Variants in SSBP2 observed in about 807,000 individuals in gnomAD.
The protein encoded by SSBP2 is single stranded DNA binding protein 2, also known as single-stranded DNA-binding protein 2.
SSBP2 carries 17 observed loss-of-function variants against 61.8 expected under a neutral mutation model. The ratio of observed to expected loss-of-function variants is 0.28; its 90% CI spans 0.19 to 0.41. SSBP2 has a LOEUF of 0.41. Among genes scored for constraint, SSBP2 ranks in the 10% least tolerant of loss-of-function variants. The probability of loss-of-function intolerance (pLI) is 1.00; values close to 1 mark genes in which losing one functional copy is unlikely to be tolerated. For missense variants in SSBP2, 310 were observed against 458.7 expected (o/e 0.68, Z 2.96); for synonymous variants, 139 against 141.3 (o/e 0.98, Z 0.12).
chr5:81,656,050 T>C (rs1256712389), intron 1 of SSBP2, among the ~76,000 whole-genome samples: 3 of 152,150 alleles, frequency 2.0e-5, no homozygotes, highest in Admixed American at 6.6e-5. Context: ...ATTAAAGATA[T>C]ATAATTTTTT....
chr5:81,525,072 T>G (rs1180069611), intron 4 of SSBP2, among the ~76,000 whole-genome samples: 1 of 152,024 alleles, frequency 6.6e-6, no homozygotes, highest in Non-Finnish European at 1.5e-5. Context: ...GGATCTAGTT[T>G]TAATCCTTGT....
At chr5:81,715,837 G>A (rs1269334300) in intron 1 of SSBP2, among the ~76,000 whole-genome samples, 1 of 152,098 alleles carries the variant, frequency 6.6e-6, no homozygotes, top group African/African-American at 2.4e-5. Flanking sequence ...CAAGAGGATT[G>A]CTTGAGCCCA....
At chr5:81,503,178 G>A (rs1231575536) in intron 5 of SSBP2, among the ~76,000 whole-genome samples, 1 of 152,126 alleles carries the variant, frequency 6.6e-6, no homozygotes, top group African/African-American at 2.4e-5. Flanking sequence ...GATGCAGCTG[G>A]GCGTGGTGGC....
At chr5:81,666,081 A>T (rs930686986) in intron 1 of SSBP2, among the ~76,000 whole-genome samples, 11 of 152,180 alleles carry the variant, frequency 7.2e-5, no homozygotes, top group African/African-American at 2.7e-4. Context: ...AAAAATTAGA[A>T]ATCTGTTTTT....
intron 1 of SSBP2, among the ~76,000 whole-genome samples, chr5:81,749,679 G>C (rs999189120): frequency 1.3e-5 from 2 of 152,118 alleles, no homozygotes; most frequent in East Asian, 3.9e-4. Flanking sequence ...AAAAAAAAGG[G>C]GGGGGTTCTT....
At chr5:81,637,810 T>C (rs1010333698) in intron 2 of SSBP2, among the ~76,000 whole-genome samples, 6 of 152,196 alleles carry the variant, frequency 3.9e-5, no homozygotes, top group Non-Finnish European at 7.3e-5. Flanking sequence ...ACACGTATGT[T>C]TATTACGGCG....
chr5:81,749,656 T>G (rs1301763204), intron 1 of SSBP2, among the ~76,000 whole-genome samples: 3 of 139,232 alleles, frequency 2.2e-5, no homozygotes, highest in South Asian at 5.0e-4. Context: ...CACTGATCTG[T>G]TGCACAGTTT....
chr5:81,432,122 G>A (rs1417788752), intron 15 of SSBP2, among the ~76,000 whole-genome samples: 1 of 152,154 alleles, frequency 6.6e-6, no homozygotes, highest in Non-Finnish European at 1.5e-5. Context: ...CTAGAGTGTT[G>A]TTTTGACTCT....
At chr5:81,660,231 C>A (rs1296247473) in intron 1 of SSBP2, among the ~76,000 whole-genome samples, 2 of 152,028 alleles carry the variant, frequency 1.3e-5, no homozygotes, top group African/African-American at 4.8e-5. Flanking sequence ...AGTGAACAGG[C>A]AACCTACAGA....
intron 4 of SSBP2, among the ~76,000 whole-genome samples, chr5:81,563,748 A>T (rs1054002438): frequency 9.2e-5 from 14 of 152,212 alleles, no homozygotes; most frequent in Admixed American, 3.3e-4. Flanking sequence ...TCAATTCAAA[A>T]ATGGATTAAC....
chr5:81,723,501 T>G (rs1011980941), intron 1 of SSBP2, among the ~76,000 whole-genome samples: 1 of 152,016 alleles, frequency 6.6e-6, no homozygotes, highest in Non-Finnish European at 1.5e-5. Context: ...GAGTAAAAGT[T>G]TGACCCTGAA....
intron 1 of SSBP2, among the ~76,000 whole-genome samples, chr5:81,667,090 CT>C (rs71773674): frequency 0.093 from 14,128 of 152,128 alleles, 1,618 homozygotes; most frequent in African/African-American, 0.27. Flanking sequence ...CCAGCAATAC[CT>C]TGATGAAAGG....
intron 4 of SSBP2, among the ~76,000 whole-genome samples, chr5:81,593,816 T>C (rs1017107439): frequency 1.3e-5 from 2 of 152,178 alleles, no homozygotes; most frequent in Middle Eastern, 3.2e-3. Context: ...CCACCAGGCC[T>C]GCCCTAAAGG....
At chr5:81,664,696 C>T in intron 1 of SSBP2, among the ~76,000 whole-genome samples, 1 of 152,172 alleles carries the variant, frequency 6.6e-6, no homozygotes, top group East Asian at 1.9e-4. Flanking sequence ...ACACTGATTT[C>T]TAATTTCTAT....
intron 4 of SSBP2, among the ~76,000 whole-genome samples, chr5:81,529,124 C>T (rs1169405962): frequency 6.6e-6 from 1 of 151,362 alleles, no homozygotes; most frequent in African/African-American, 2.4e-5. Flanking sequence ...TTTGGTAGTA[C>T]CGAAAAAGAA....
At chr5:81,649,902 T>C (rs901516534) in intron 2 of SSBP2, among the ~76,000 whole-genome samples, 1 of 152,080 alleles carries the variant, frequency 6.6e-6, no homozygotes, top group Non-Finnish European at 1.5e-5. Context: ...ATAAACAAAA[T>C]CCACATTTTC....
rs149105342 is a variant in SSBP2, at chr5:81,718,259, A to G, written c.62+32722T>C. On this transcript the variant is annotated intron_variant, in intron 1 of 16. Transcript: ENST00000320672. ...GGAAACTATCAGGGTTTTTCATTGT[A>G]GCTATAATATAAACAATGTACCACA... Among the ~76,000 whole-genome samples, 49 of 152,336 alleles carry G rather than the reference A, an allele frequency of 3.2e-4. No homozygotes were observed. The South Asian group carries it at 7.7e-3, about 24-fold the overall frequency.
At chr5:81,459,792 TAAGA>T (rs1341857640) in intron 10 of SSBP2, among the ~76,000 whole-genome samples, 1 of 152,210 alleles carries the variant, frequency 6.6e-6, no homozygotes, top group African/African-American at 2.4e-5. Flanking sequence ...TAATAGATCA[TAAGA>T]AGTAAACTCT....
At chr5:81,471,772 A>G (rs1237528943) in intron 8 of SSBP2, among the ~76,000 whole-genome samples, 3 of 151,894 alleles carry the variant, frequency 2.0e-5, no homozygotes, top group African/African-American at 4.8e-5. Context: ...AGGCTGCCAC[A>G]TATATTTACG....
Sources: gnomAD v4.1 joint callset for allele counts (sites outside exome capture counted in the v4.1 genomes callset) on GRCh38, gnomAD v4.1.1 for gene constraint, MANE v1.5 for transcripts, NCBI Gene and HGNC (gene_info 2026-07-23, HGNC 2026-07-21) for gene names.